SBNO1: variants seen among roughly 807,000 people sequenced by gnomAD.
SBNO1 encodes the protein strawberry notch homolog 1, also known as protein strawberry notch homolog 1.
SBNO1 carries 23 observed loss-of-function variants against 173.6 expected under a neutral mutation model. The ratio of observed to expected loss-of-function variants is 0.13; its 90% CI spans 0.10 to 0.19. The LOEUF (loss-of-function observed/expected upper bound fraction) is 0.19, where lower values mean the gene tolerates loss of function less well. Ranked by LOEUF, SBNO1 falls within the 10% of genes least tolerant of loss-of-function variation. The pLI is 1.00. For missense variants in SBNO1, 1,238 were observed against 1,671.2 expected, an observed-to-expected ratio of 0.74 and a Z score of 4.52; for synonymous variants, 632 against 571.5, an observed-to-expected ratio of 1.11 and a Z score of -1.51.
intron 15 of SBNO1, among the ~76,000 whole-genome samples, chr12:123,324,280 T>C (rs1045471166): frequency 6.6e-6 from 1 of 151,950 alleles, no homozygotes; most frequent in Non-Finnish European, 1.5e-5. Flanking sequence ...TAGGCAATTA[T>C]GTACAGAAAA....
At chr12:123,358,870 TC>T (rs1874785571) in intron 1 of SBNO1, among the ~76,000 whole-genome samples, 1 of 152,088 alleles carries the variant, frequency 6.6e-6, no homozygotes, top group South Asian at 2.1e-4. Context: ...CCAACCCTGT[TC>T]CAGTACTTTT....
At position 123,345,675 on chromosome 12, in the gene SBNO1, A is replaced by C. The variant is rs540443401; in HGVS notation, c.238-105T>G. The C allele has an allele frequency of 1.3e-4, 128 of 974,546 alleles. 2 individuals carry two copies. In the South Asian group the frequency reaches 1.9e-3, roughly 14 times the overall value. The allele number at this position is 974,546 out of a possible 1,614,324, so 60.4% of individuals were successfully genotyped here. A position where few individuals can be genotyped will look rare whatever the true frequency, so the allele number is the denominator to read the frequency against. On this transcript the variant is annotated intron_variant, in intron 3 of 31. Transcript: ENST00000602398. ...AACTAAAAATCTAAAATGCACTTTT[A>C]TTATTGCTTTTTTTTTTTCTTTGAA...
chr12:123,310,250 A>G (rs571820756), intron 25 of SBNO1, among the ~76,000 whole-genome samples: 220 of 152,314 alleles, frequency 1.4e-3, no homozygotes, highest in Non-Finnish European at 2.6e-3. Flanking sequence ...TTGTTTCTTG[A>G]GACGGAGTCT....
At chr12:123,340,907 G>C (rs1408087274) in intron 5 of SBNO1, 81 bp downstream of exon 5, 1 of 855,606 alleles carries the variant, frequency 1.2e-6, no homozygotes, top group Non-Finnish European at 1.9e-6. Context: ...AGCTTTCTGA[G>C]GGTTGTTCCA....
intron 30 of SBNO1, among the ~76,000 whole-genome samples, 171 bp downstream of exon 30, chr12:123,302,653 A>G (rs1242598369): frequency 6.6e-6 from 1 of 152,206 alleles, no homozygotes; most frequent in Non-Finnish European, 1.5e-5. Context: ...TACATAAACT[A>G]AACAGTTTCT....
chr12:123,318,967 G>T (rs1032586402), intron 20 of SBNO1, among the ~76,000 whole-genome samples: 11 of 135,742 alleles, frequency 8.1e-5, no homozygotes, highest in Admixed American at 3.7e-4. Context: ...CTAAGGGAAC[G>T]TTTTTTTTTT....
intron 1 of SBNO1, among the ~76,000 whole-genome samples, chr12:123,362,434 TCAAAAA>T (rs1875410220): frequency 3.1e-5 from 1 of 31,792 alleles, no homozygotes; most frequent in Non-Finnish European, 4.9e-5. Context: ...AGACTCCGTC[TCAAAAA>T]AAAAAAAAAA....
chr12:123,340,596 AAAAAAAAAAG>A (rs1298985973), intron 5 of SBNO1, among the ~76,000 whole-genome samples: 1 of 151,144 alleles, frequency 6.6e-6, no homozygotes, highest in Non-Finnish European at 1.5e-5. Context: ...AAAAAAAAAA[AAAAAAAAAAG>A]AATCACTCAT....
rs59447456 is a variant in SBNO1 at position 123,297,400 on chromosome 12, C to CAAAAAAAAAAAAAAA, written c.4039+563_4039+577dup. 3.1e-3 allele frequency among the ~76,000 whole-genome samples: 97 copies of CAAAAAAAAAAAAAAA among 31,514 alleles called. 22 individuals are homozygous for CAAAAAAAAAAAAAAA. Among genetic ancestry groups the CAAAAAAAAAAAAAAA allele is most frequent in the Middle Eastern group, 0.11 (2 of 18 alleles). 20.7% of individuals were successfully genotyped at this position (31,514 alleles called of 152,430 possible). A position where few individuals can be genotyped will look rare whatever the true frequency, so the allele number is the denominator to read the frequency against. On this transcript the variant is annotated intron_variant, in intron 31 of 31. Coordinates refer to ENST00000602398, the MANE Select transcript of SBNO1 (RefSeq NM_001167856.3). ...TACAACATCCCAAAATACTGGTGTC[C>CAAAAAAAAAAAAAAA]AAAAAAAAAAAAAAAAAAAAAATTC...
At chr12:123,327,292 C>T in intron 13 of SBNO1, 134 bp downstream of exon 13, 1 of 746,284 alleles carries the variant, frequency 1.3e-6, no homozygotes, top group Non-Finnish European at 2.2e-6. Context: ...GCATGAGACA[C>T]CGTGCCTGGC....
At chr12:123,320,401 A>G (rs901064683) in intron 19 of SBNO1, 31 bp downstream of exon 19, 21 of 1,580,418 alleles carry the variant, frequency 1.3e-5, no homozygotes, top group Non-Finnish European at 1.8e-5. Context: ...CAAATGGCAA[A>G]AATGTCACCA....
At chr12:123,318,923 G>A (rs1019258061) in intron 20 of SBNO1, among the ~76,000 whole-genome samples, 4 of 150,924 alleles carry the variant, frequency 2.7e-5, no homozygotes, top group East Asian at 1.9e-4. Context: ...TCTCAAAATC[G>A]GAATGACATT....
At chr12:123,330,200 T>G (rs1871054306) in intron 9 of SBNO1, among the ~76,000 whole-genome samples, 1 of 152,214 alleles carries the variant, frequency 6.6e-6, no homozygotes, top group Non-Finnish European at 1.5e-5. Flanking sequence ...TCACTTACAC[T>G]GTTCAATAGC....
rs1370205954 is a variant in SBNO1, at chr12:123,294,882, A to G, written c.*1026T>C. 1 of 152,250 alleles carries G rather than the reference A, an allele frequency of 6.6e-6. No individual in the cohort carries two copies. Among genetic ancestry groups the G allele is most frequent in the Non-Finnish European group, 1.5e-5 (1 of 68,124 alleles). 9.4% of individuals were successfully genotyped at this position (152,250 alleles called of 1,614,324 possible). ...CAAGTTACTGAGTAACAACAATAACAACAATAACAAAAGAACACACAGCAG... is the reference window on the plus strand; with the variant it reads ...CAAGTTACTGAGTAACAACAATAACGACAATAACAAAAGAACACACAGCAG... On this transcript the variant is annotated 3_prime_UTR_variant, in exon 32 of 32. Coordinates refer to ENST00000602398, the MANE Select transcript of SBNO1 (RefSeq NM_001167856.3).
chr12:123,319,761 A>G (rs1869740170), intron 20 of SBNO1, 139 bp downstream of exon 20: 1 of 709,616 alleles, frequency 1.4e-6, no homozygotes, highest in Admixed American at 2.8e-5. Flanking sequence ...AATATTCAGT[A>G]TGTACAATTA....
At chr12:123,324,743 C>G (rs970834975) in intron 15 of SBNO1, among the ~76,000 whole-genome samples, 1 of 152,168 alleles carries the variant, frequency 6.6e-6, no homozygotes, top group Admixed American at 6.5e-5. Flanking sequence ...ATGCCTAAAA[C>G]ATTTTAAAAT....
chr12:123,319,732 AAAT>A (rs1411273118), intron 20 of SBNO1, among the ~76,000 whole-genome samples, 165 bp downstream of exon 20: 2 of 151,886 alleles, frequency 1.3e-5, no homozygotes, highest in African/African-American at 2.4e-5. Flanking sequence ...TTCAATGATA[AAAT>A]AATAAAAACA....
At chr12:123,329,750 A>C (rs1218315606) in intron 9 of SBNO1, among the ~76,000 whole-genome samples, 2 of 152,166 alleles carry the variant, frequency 1.3e-5, no homozygotes, top group Non-Finnish European at 2.9e-5. Context: ...TAGGACTCAC[A>C]TGGGAAGTAG....
chr12:123,345,191 G>A (rs912288373), intron 4 of SBNO1, 67 bp downstream of exon 4: 7 of 1,352,110 alleles, frequency 5.2e-6, no homozygotes, highest in East Asian at 2.3e-5. Flanking sequence ...CAAGCAAATC[G>A]TTTAAAAAAA....
Sources: allele counts gnomAD v4.1 joint callset (sites outside exome capture counted in the v4.1 genomes callset), GRCh38; gene constraint gnomAD v4.1.1; transcripts MANE v1.5; gene names NCBI Gene and HGNC (gene_info 2026-07-23, HGNC 2026-07-21).